FGGY: variants seen among roughly 807,000 people sequenced by gnomAD.
The protein encoded by FGGY is FGGY carbohydrate kinase domain containing.
FGGY carries 72 observed loss-of-function variants against 71.3 expected under a neutral mutation model. The observed-to-expected ratio is 1.01, with a 90% CI of 0.84 to 1.23. The LOEUF is 1.23. Among genes scored for constraint, FGGY ranks in the 50% most tolerant of loss-of-function variants. The probability of loss-of-function intolerance (pLI) is 0.00; values close to 1 mark genes in which losing one functional copy is unlikely to be tolerated. For missense variants in FGGY, 668 were observed against 682.3 expected (o/e 0.98, Z 0.23); for synonymous variants, 251 against 250.3 (o/e 1.00, Z -0.02).
chr1:59,369,739 C>T lies in FGGY; in HGVS notation c.466-9010C>T, dbSNP rs141519664. Among the ~76,000 whole-genome samples the T allele has an allele frequency of 6.9e-3, 1,053 of 152,300 alleles. 11 individuals carry two copies. The highest frequency in any genetic ancestry group is 0.024 in the African/African-American group (995 of 41,550). On this transcript the variant is annotated intron_variant, in intron 4 of 15. Transcript: ENST00000303721. ...AACTCCCAGAAGAATGATCAGACAG[C>T]AGCATTCACGGTTCACGAAAAACGA...
chr1:59,532,373 T>G (rs922130624), intron 7 of FGGY, among the ~76,000 whole-genome samples: 13 of 152,082 alleles, frequency 8.5e-5, no homozygotes, highest in African/African-American at 3.1e-4. Flanking sequence ...TGGAGCATGG[T>G]AAAGAGGTCT....
At chr1:59,439,970 T>C (rs967138039) in intron 5 of FGGY, among the ~76,000 whole-genome samples, 4 of 152,132 alleles carry the variant, frequency 2.6e-5, no homozygotes, top group African/African-American at 9.7e-5. Context: ...ACTGGAATAC[T>C]GTGACCTCAA....
intron 9 of FGGY, among the ~76,000 whole-genome samples, chr1:59,623,602 T>C (rs2096830607): frequency 6.6e-6 from 1 of 152,152 alleles, no homozygotes; most frequent in African/African-American, 2.4e-5. Flanking sequence ...TGTCTTTCCA[T>C]TTTCATGTCT....
intron 8 of FGGY, among the ~76,000 whole-genome samples, chr1:59,591,964 C>T (rs1260771518): frequency 6.6e-6 from 1 of 152,166 alleles, no homozygotes; most frequent in African/African-American, 2.4e-5. Flanking sequence ...TAAAGAGCTT[C>T]TGCACAGCAA....
intron 8 of FGGY, among the ~76,000 whole-genome samples, chr1:59,562,423 C>G (rs2095806278): frequency 6.6e-6 from 1 of 152,214 alleles, no homozygotes; most frequent in South Asian, 2.1e-4. Flanking sequence ...TGGGCTCAGG[C>G]CAGCTGATAG....
chr1:59,585,826 A>T (rs2096275839), intron 8 of FGGY, among the ~76,000 whole-genome samples: 1 of 152,240 alleles, frequency 6.6e-6, no homozygotes, highest in Non-Finnish European at 1.5e-5. Context: ...ATTTGCAAGA[A>T]AAAAACCCCA....
chr1:59,619,473 C>A (rs1255357707), intron 9 of FGGY, among the ~76,000 whole-genome samples: 1 of 151,946 alleles, frequency 6.6e-6, no homozygotes, highest in African/African-American at 2.4e-5. Flanking sequence ...GACAGTTGAA[C>A]AAAGAATGAG....
chr1:59,753,668 GC>G (rs959327307), intron 14 of FGGY, among the ~76,000 whole-genome samples: 3 of 150,940 alleles, frequency 2.0e-5, no homozygotes, highest in African/African-American at 7.3e-5. Context: ...TCTTTATTAT[GC>G]ATATATAACT....
chr1:59,457,947 G>C (rs2091873464), intron 6 of FGGY, among the ~76,000 whole-genome samples: 1 of 152,078 alleles, frequency 6.6e-6, no homozygotes, highest in Admixed American at 6.5e-5. Flanking sequence ...TATGTACCTT[G>C]TTTTATATAT....
intron 5 of FGGY, among the ~76,000 whole-genome samples, chr1:59,409,541 G>A (rs560667497): frequency 9.9e-4 from 150 of 151,396 alleles, no homozygotes; most frequent in African/African-American, 3.5e-3. Flanking sequence ...CAGCACTACT[G>A]AAAGGACTTT....
chr1:59,610,645 G>A (rs2096666470), intron 9 of FGGY, among the ~76,000 whole-genome samples: 1 of 152,184 alleles, frequency 6.6e-6, no homozygotes, highest in East Asian at 1.9e-4. Context: ...CATCTCACTG[G>A]GGCTTGTCAG....
chr1:59,429,269 A>T (rs181156420), intron 5 of FGGY, among the ~76,000 whole-genome samples: 2 of 152,142 alleles, frequency 1.3e-5, no homozygotes, highest in South Asian at 4.1e-4. Flanking sequence ...TCATCTTAGA[A>T]ACTTAGAGGT....
At chr1:59,684,926 A>C (rs767211897) in intron 14 of FGGY, among the ~76,000 whole-genome samples, 1 of 152,214 alleles carries the variant, frequency 6.6e-6, no homozygotes, top group Non-Finnish European at 1.5e-5. Context: ...TACTATTATC[A>C]TTCCCTGTGT....
At chr1:59,385,631 T>C (rs1348461605) in intron 5 of FGGY, among the ~76,000 whole-genome samples, 2 of 152,126 alleles carry the variant, frequency 1.3e-5, no homozygotes, top group African/African-American at 2.4e-5. Context: ...CAGAAAAATA[T>C]ATGTATAAAT....
chr1:59,365,502 A>T (rs1322481230), intron 4 of FGGY, among the ~76,000 whole-genome samples: 1 of 152,218 alleles, frequency 6.6e-6, no homozygotes, highest in Admixed American at 6.5e-5. Flanking sequence ...GATCCAGGTC[A>T]CTGTGGCATC....
chr1:59,491,669 T>A (rs1237855191), intron 6 of FGGY, among the ~76,000 whole-genome samples: 1 of 149,736 alleles, frequency 6.7e-6, no homozygotes, highest in Non-Finnish European at 1.5e-5. Context: ...ATAATTTGAC[T>A]TCCTTCTTTC....
At chr1:59,670,707 G>T (rs926517429) in intron 13 of FGGY, among the ~76,000 whole-genome samples, 1 of 72,336 alleles carries the variant, frequency 1.4e-5, no homozygotes, top group African/African-American at 5.1e-5. Context: ...AGAAAGAGGG[G>T]CATTTGAGGG....
intron 8 of FGGY, among the ~76,000 whole-genome samples, chr1:59,583,558 T>C (rs1287230678): frequency 7.0e-6 from 1 of 142,606 alleles, no homozygotes; most frequent in Non-Finnish European, 1.5e-5. Flanking sequence ...ACCTTGGTTG[T>C]TTAGACATGT....
At chr1:59,467,460 C>A (rs973781087) in intron 6 of FGGY, among the ~76,000 whole-genome samples, 2 of 151,988 alleles carry the variant, frequency 1.3e-5, no homozygotes, top group African/African-American at 4.8e-5. Context: ...AACAAACCTG[C>A]ATGTTGTGCA....
Sources: gnomAD v4.1 joint callset for allele counts (sites outside exome capture counted in the v4.1 genomes callset) on GRCh38, gnomAD v4.1.1 for gene constraint, MANE v1.5 for transcripts, NCBI Gene and HGNC (gene_info 2026-07-23, HGNC 2026-07-21) for gene names.